CLNK: variants seen among roughly 807,000 people sequenced by gnomAD.
CLNK encodes the protein cytokine dependent hematopoietic cell linker, also known as cytokine-dependent hematopoietic cell linker.
In CLNK, 74 loss-of-function variants were observed where a neutral mutation model predicts 68.6. The observed-to-expected ratio is 1.08, with a 90% CI of 0.89 to 1.31. The LOEUF is 1.31. Ranked by LOEUF, CLNK falls within the 50% of genes most tolerant of loss-of-function variation. The pLI is 0.00. For missense variants in CLNK, 553 were observed against 515.3 expected (o/e 1.07, Z -0.71); for synonymous variants, 198 against 172.2 (o/e 1.15, Z -1.17).
chr4:10,611,006 A>G (rs1721993999), intron 2 of CLNK, among the ~76,000 whole-genome samples: 2 of 144,594 alleles, frequency 1.4e-5, no homozygotes, highest in South Asian at 4.4e-4. Flanking sequence ...CAACATGGTG[A>G]AACCCCATCT....
intron 4 of CLNK, among the ~76,000 whole-genome samples, chr4:10,577,842 C>T (rs1720626872): frequency 6.6e-6 from 1 of 152,114 alleles, no homozygotes; most frequent in East Asian, 1.9e-4. Flanking sequence ...TGTCTTGCAG[C>T]CTTTGATGTT....
chr4:10,569,803 T>C (rs1208153014), intron 5 of CLNK, among the ~76,000 whole-genome samples: 1 of 152,236 alleles, frequency 6.6e-6, no homozygotes, highest in Non-Finnish European at 1.5e-5. Flanking sequence ...ACTGAGATGT[T>C]CAATCTGTAA....
At chr4:10,573,109 A>G (rs1189877455) in intron 4 of CLNK, among the ~76,000 whole-genome samples, 1 of 152,190 alleles carries the variant, frequency 6.6e-6, no homozygotes, top group African/African-American at 2.4e-5. Context: ...GATTGCAGGT[A>G]TGAGCCATGG....
intron 2 of CLNK, among the ~76,000 whole-genome samples, chr4:10,658,158 C>T (rs551649060): frequency 1.3e-5 from 2 of 152,290 alleles, no homozygotes; most frequent in African/African-American, 2.4e-5. Context: ...TCCTCTGTGT[C>T]CTCTTAGCAC....
the CLNK span, among the ~76,000 whole-genome samples, chr4:10,713,192 C>T: frequency 6.6e-6 from 1 of 152,100 alleles, no homozygotes; most frequent in African/African-American, 2.4e-5. Context: ...GTGGTGGTCA[C>T]AGAGATCTGG....
chr4:10,618,402 A>G (rs1403970463), intron 2 of CLNK, among the ~76,000 whole-genome samples: 1 of 152,178 alleles, frequency 6.6e-6, no homozygotes, highest in African/African-American at 2.4e-5. Context: ...TGGGTATAAG[A>G]AATCTTATTA....
chr4:10,533,347 A>T (rs973647859), intron 11 of CLNK, among the ~76,000 whole-genome samples: 4 of 152,222 alleles, frequency 2.6e-5, no homozygotes, highest in African/African-American at 9.6e-5. Flanking sequence ...TGAAGAAACT[A>T]TGAAGGGAGT....
At chr4:10,528,589 C>T (rs2109056280) in intron 12 of CLNK, among the ~76,000 whole-genome samples, 1 of 152,198 alleles carries the variant, frequency 6.6e-6, no homozygotes, top group East Asian at 1.9e-4. Flanking sequence ...ATTATAAAGA[C>T]ATTGTAAGTA....
intron 16 of CLNK, among the ~76,000 whole-genome samples, chr4:10,509,128 A>G (rs1717454256): frequency 7.3e-6 from 1 of 136,164 alleles, no homozygotes; most frequent in Non-Finnish European, 1.6e-5. Context: ...AAAAAAAGGA[A>G]GTCTAAACCT....
chr4:10,708,756 T>C, the CLNK span, among the ~76,000 whole-genome samples: 2 of 152,156 alleles, frequency 1.3e-5, no homozygotes, highest in African/African-American at 2.4e-5. Flanking sequence ...AAGCAGAACA[T>C]TGTTTTTGCA....
Position 10,677,007 on chromosome 4 carries a change from T to C in CLNK, c.-43+7661A>G, listed in dbSNP as rs926859030. 2.1e-5 allele frequency among the ~76,000 whole-genome samples: 3 copies of C among 145,420 alleles called. No individual in the cohort carries two copies. In the Admixed American group the frequency reaches 2.1e-4, roughly 10 times the overall value. ...TTTTTTTTTTTTTGGCTTCCATAAA[T>C]GATGGCAGAACCACATTGATTAGAG... On this transcript the variant is annotated intron_variant, in intron 1 of 18. Coordinates refer to ENST00000226951, the MANE Select transcript of CLNK (RefSeq NM_052964.4).
chr4:10,700,524 A>G, the CLNK span, among the ~76,000 whole-genome samples: 1 of 152,222 alleles, frequency 6.6e-6, no homozygotes, highest in Admixed American at 6.6e-5. Context: ...TCAGAACCCA[A>G]CTTGTGATGT....
intron 2 of CLNK, among the ~76,000 whole-genome samples, chr4:10,662,601 T>C (rs1724237293): frequency 6.6e-6 from 1 of 152,206 alleles, no homozygotes. Flanking sequence ...ATTTAAGTCA[T>C]AGCTCAAAAC....
At chr4:10,645,909 G>A (rs1394156641) in intron 2 of CLNK, among the ~76,000 whole-genome samples, 1 of 152,070 alleles carries the variant, frequency 6.6e-6, no homozygotes, top group Non-Finnish European at 1.5e-5. Context: ...ATTTTTTAAT[G>A]GGCTTGTGAA....
rs376198839 is a variant in CLNK, at chr4:10,540,934, G to C, written c.492-330C>G. ...TACCCAAATAAATATAAAAAAAGTG[G>C]CCAGGCATGGTGGCTCACGCCTGTA... On this transcript the variant is annotated intron_variant, in intron 10 of 18. Transcript: ENST00000226951. 1.6e-4 allele frequency among the ~76,000 whole-genome samples: 25 copies of C among 152,148 alleles called. No homozygotes were observed. The East Asian group carries it at 4.6e-3, about 28-fold the overall frequency.
At chr4:10,675,235 G>T (rs553418479) in intron 1 of CLNK, among the ~76,000 whole-genome samples, 126 of 152,328 alleles carry the variant, frequency 8.3e-4, no homozygotes, top group African/African-American at 2.7e-3. Flanking sequence ...TTCTGCAGAT[G>T]AAAGTATCTA....
At chr4:10,662,163 A>G (rs1459473459) in intron 2 of CLNK, among the ~76,000 whole-genome samples, 4 of 152,220 alleles carry the variant, frequency 2.6e-5, no homozygotes, top group Non-Finnish European at 5.9e-5. Flanking sequence ...GGGGAGCATC[A>G]CAACACCGTC....
At chr4:10,613,693 A>G (rs2108855827) in intron 2 of CLNK, among the ~76,000 whole-genome samples, 1 of 152,270 alleles carries the variant, frequency 6.6e-6, no homozygotes, top group East Asian at 1.9e-4. Flanking sequence ...CTATTGCCAC[A>G]ACCCCAGCAG....
At chr4:10,686,905 T>A (rs1257757154), upstream of CLNK, among the ~76,000 whole-genome samples, 4 of 152,108 alleles carry the variant, frequency 2.6e-5, no homozygotes, top group Non-Finnish European at 5.9e-5. Flanking sequence ...TATTTAAAGC[T>A]TTTTTTCTTG....
Sources: gnomAD v4.1 joint callset for allele counts (sites outside exome capture counted in the v4.1 genomes callset) on GRCh38, gnomAD v4.1.1 for gene constraint, MANE v1.5 for transcripts, NCBI Gene and HGNC (gene_info 2026-07-23, HGNC 2026-07-21) for gene names.